TLE1: variants seen among roughly 807,000 people sequenced by gnomAD.
TLE1 encodes TLE family member 1, transcriptional corepressor, also known as transducin-like enhancer protein 1.
Under a neutral mutation model 89.8 loss-of-function variants are expected in TLE1, and 21 were observed. The ratio of observed to expected loss-of-function variants is 0.23; its 90% CI spans 0.17 to 0.34. The LOEUF (loss-of-function observed/expected upper bound fraction) is 0.34, where lower values mean the gene tolerates loss of function less well. Ranked by LOEUF, TLE1 falls within the 10% of genes least tolerant of loss-of-function variation. The probability of loss-of-function intolerance (pLI) is 1.00; values close to 1 mark genes in which losing one functional copy is unlikely to be tolerated. For synonymous variants in TLE1, 447 were observed against 407.6 expected, an observed-to-expected ratio of 1.10 and a Z score of -1.16; for missense variants, 795 against 1,031.2, an observed-to-expected ratio of 0.77 and a Z score of 3.14.
chr9:81,605,928 GA>G (rs1304521302), intron 14 of TLE1, among the ~76,000 whole-genome samples: 2 of 151,688 alleles, frequency 1.3e-5, no homozygotes, highest in Non-Finnish European at 2.9e-5. Flanking sequence ...AAATTTACAA[GA>G]AAAAAACAAC....
intron 8 of TLE1, 98 bp downstream of exon 8, chr9:81,633,250 G>C (rs1354988113): frequency 1.3e-6 from 2 of 1,593,422 alleles, no homozygotes; most frequent in Non-Finnish European, 1.7e-6. Flanking sequence ...GTGCATGTCT[G>C]TCTGTGCCTG....
intron 4 of TLE1, among the ~76,000 whole-genome samples, chr9:81,681,232 C>A (rs953675694): frequency 2.0e-5 from 3 of 152,064 alleles, no homozygotes; most frequent in Non-Finnish European, 4.4e-5. Context: ...ATTTTCAGAG[C>A]TAGTCTTTTC....
intron 1 of TLE1, among the ~76,000 whole-genome samples, chr9:81,687,713 G>A (rs1005223766): frequency 4.6e-5 from 7 of 152,012 alleles, no homozygotes; most frequent in Non-Finnish European, 8.8e-5. Context: ...GGGGCTCCCC[G>A]GCGGCCAGGG....
intron 4 of TLE1, among the ~76,000 whole-genome samples, chr9:81,682,996 G>A (rs145652721): frequency 5.9e-5 from 9 of 152,170 alleles, no homozygotes; most frequent in African/African-American, 2.2e-4. Context: ...ACGGGCTGTG[G>A]GCACCACACC....
intron 6 of TLE1, among the ~76,000 whole-genome samples, chr9:81,645,915 G>T (rs1335430048): frequency 2.6e-5 from 4 of 152,114 alleles, no homozygotes; most frequent in African/African-American, 9.7e-5. Context: ...ACACACAGGT[G>T]TAACTCCTAT....
intron 13 of TLE1, among the ~76,000 whole-genome samples, chr9:81,611,325 C>T (rs187435325): frequency 2.0e-5 from 3 of 151,922 alleles, no homozygotes; most frequent in Non-Finnish European, 4.4e-5. Context: ...GTAACATAGG[C>T]ATAGAAAGAG....
rs75699815 is a variant in TLE1 at position 81,604,366 on chromosome 9, A to G, written c.1331+5854T>C. Among the ~76,000 whole-genome samples the G allele has an allele frequency of 2.6e-5, 4 of 152,302 alleles. No individual in the cohort carries two copies. In the East Asian group the frequency reaches 7.7e-4, roughly 29 times the overall value. On this transcript the variant is annotated intron_variant, in intron 14 of 19. Transcript: ENST00000376499. ...TGGGAACCCTAAACCATGGCCCACA[A>G]GAGAGGGCTGAAGCGACAGACAAAT... is the stretch of plus-strand genomic sequence containing the variant.
chr9:81,658,120 C>G (rs1459780724), intron 4 of TLE1, among the ~76,000 whole-genome samples: 1 of 151,822 alleles, frequency 6.6e-6, no homozygotes, highest in African/African-American at 2.4e-5. Flanking sequence ...CCATGTAGAA[C>G]AGGCTGATTT....
chr9:81,613,451 C>A lies in TLE1; in HGVS notation c.989G>T (p.Gly330Val). The part of the protein sequence containing the change: ...PTPRSDMPTP[G>V]TSATPGLRPG... ...ACGGAGGCCTGGAGTGGCGCTGGTG[C>A]CCGGCGTTGGCATGTCGCTCCGAGG... Residue 330 changes from glycine to valine, a missense_variant, in exon 12 of 20, where the codon GGC (glycine) becomes GTC (valine). Gly to Val is a moderately radical substitution (Grantham distance 109). Around this residue, in one of 4 missense-constraint regions of TLE1, gnomAD observed 468 missense variants for 509.1 expected, o/e 0.92. Coordinates refer to ENST00000376499, the MANE Select transcript of TLE1 (RefSeq NM_005077.5). 6 of 1,614,168 alleles carry A rather than the reference C, an allele frequency of 3.7e-6. No homozygotes were observed. Among genetic ancestry groups the A allele is most frequent in the Non-Finnish European group, 5.1e-6 (6 of 1,180,034 alleles).
chr9:81,587,969 T>C (rs11792087), intron 16 of TLE1, 141 bp from the exon 17 acceptor site: 183,109 of 803,898 alleles, frequency 0.23, 22,736 homozygotes, highest in Non-Finnish European at 0.25. Flanking sequence ...TCTGCTGATG[T>C]GCAAGATCAA....
At chr9:81,595,843 A>G (rs377245920) in intron 14 of TLE1, among the ~76,000 whole-genome samples, 2 of 152,010 alleles carry the variant, frequency 1.3e-5, no homozygotes, top group African/African-American at 4.8e-5. Context: ...ATTAAAAAAT[A>G]AAAGTAAAAC....
chr9:81,611,749 C>G lies in TLE1; in HGVS notation c.1254+20G>C. 6.7e-7 allele frequency: 1 copy of G among 1,492,218 alleles called. No homozygotes were observed. The highest frequency in any genetic ancestry group is 8.9e-7 in the Non-Finnish European group (1 of 1,128,776). 92.4% of individuals were successfully genotyped at this position (1,492,218 alleles called of 1,614,324 possible). ...TGCAGCGTTCCTACCCCAACCACAG[C>G]CCACCCGACAGCGGCCTACCATGGG... On this transcript the variant is annotated intron_variant, in intron 13 of 19. Transcript: ENST00000376499.
chr9:81,687,656 A>G (rs772009674), intron 1 of TLE1, among the ~76,000 whole-genome samples: 78 of 152,096 alleles, frequency 5.1e-4, no homozygotes, highest in Non-Finnish European at 9.1e-4. Context: ...CCCAGTCTCC[A>G]GGGCGGATTG....
At chr9:81,644,902 G>A (rs1259349835) in intron 6 of TLE1, among the ~76,000 whole-genome samples, 3 of 149,510 alleles carry the variant, frequency 2.0e-5, no homozygotes, top group Admixed American at 6.8e-5. Context: ...GCTGAGGCAG[G>A]AGAATCGTTT....
rs1021447808 is a variant in TLE1, at chr9:81,583,999, A to C, written c.*199T>G. ...TCTGTCCGCTTGGCCTTGGTGCTCC[A>C]TTTGGTCTATGTAGACAGGTGACTT... On this transcript the variant is annotated 3_prime_UTR_variant, in exon 20 of 20. Transcript: ENST00000376499. 1 of 570,062 alleles carries C rather than the reference A, an allele frequency of 1.8e-6. No individual in the cohort carries two copies. Among genetic ancestry groups the C allele is most frequent in the Non-Finnish European group, 3.1e-6 (1 of 320,682 alleles). 35.3% of individuals were successfully genotyped at this position (570,062 alleles called of 1,614,324 possible). A position where few individuals can be genotyped will look rare whatever the true frequency, so the allele number is the denominator to read the frequency against.
intron 4 of TLE1, among the ~76,000 whole-genome samples, chr9:81,672,833 A>C (rs557380227): frequency 6.6e-6 from 1 of 152,282 alleles, no homozygotes; most frequent in South Asian, 2.1e-4. Flanking sequence ...GAATGAACCA[A>C]ATCCTTTGTT....
At chr9:81,652,138 C>CACAT (rs60087604) in intron 6 of TLE1, 76 bp downstream of exon 6, 2 of 1,417,546 alleles carry the variant, frequency 1.4e-6, no homozygotes, top group Non-Finnish European at 9.9e-7. Context: ...CACACACACA[C>CACAT]GTAAAGCCAT....
chr9:81,655,752 A>G (rs1179697954), intron 4 of TLE1, among the ~76,000 whole-genome samples: 1 of 152,022 alleles, frequency 6.6e-6, no homozygotes, highest in South Asian at 2.1e-4. Flanking sequence ...TAGAGAATGG[A>G]AAAAGACAAA....
rs1564115989 is a variant in TLE1, at chr9:81,593,188, C to T, written c.1418G>A (p.Arg473Gln). The change falls in exon 15 of 20, where the codon CGG becomes CAG. Residue 473 changes from arginine (R) to glutamine (Q), a missense_variant. Physicochemically the swap from Arg to Gln is conservative, Grantham distance 43 (BLOSUM62 1). Coordinates refer to ENST00000376499, the MANE Select transcript of TLE1 (RefSeq NM_005077.5). ...GAGGGTGTTGATCTGGCGAGCATGC[C>T]GGGGGATTCCGGGTCCGATGAGGGC... is the stretch of plus-strand genomic sequence containing the variant. The part of the protein sequence containing the change: ...PDALIGPGIP[R>Q]HARQINTLNH... 2 of 1,613,892 alleles carry T rather than the reference C, an allele frequency of 1.2e-6. No homozygotes were observed. Among genetic ancestry groups the T allele is most frequent in the Non-Finnish European group, 1.7e-6 (2 of 1,179,990 alleles).
Sources: allele counts gnomAD v4.1 joint callset (sites outside exome capture counted in the v4.1 genomes callset), GRCh38; gene constraint gnomAD v4.1.1; regional missense constraint gnomAD v4.1.1; transcripts MANE v1.5; gene names NCBI Gene and HGNC (gene_info 2026-07-23, HGNC 2026-07-21).